The following PDE4D variants were observed in gnomAD, a reference collection of about 807,000 sequenced individuals.
The protein encoded by PDE4D is phosphodiesterase 4D.
A neutral mutation model predicts 87.4 loss-of-function variants in PDE4D; 24 were observed. The ratio of observed to expected loss-of-function variants is 0.27; its 90% CI spans 0.20 to 0.39. The LOEUF (loss-of-function observed/expected upper bound fraction) is 0.39. Ranked by LOEUF, PDE4D falls within the 10% of genes least tolerant of loss-of-function variation. PDE4D has a pLI of 1.00. For synonymous variants in PDE4D, 384 were observed against 383.2 expected (o/e 1.00, Z -0.02); for missense variants, 714 against 1,041.0 (o/e 0.69, Z 4.32).
chr5:59,893,630 C>A lies in PDE4D; in HGVS notation c.-8G>T. On this transcript the variant is annotated 5_prime_UTR_variant, in exon 1 of 15. Coordinates refer to ENST00000340635, the MANE Select transcript of PDE4D (RefSeq NM_001104631.2). The stretch of plus-strand genomic sequence containing the variant: ...GCTGCCCTCTGCCTCCATCCTGGCT[C>A]GCGGCTCCGCGACCTGCTGCCCAGC... 1 of 1,482,448 alleles carries A rather than the reference C, an allele frequency of 6.7e-7. No individual in the cohort carries two copies. The highest frequency in any genetic ancestry group is 1.5e-5 in the African/African-American group (1 of 68,100). 91.8% of individuals were successfully genotyped at this position (1,482,448 alleles called of 1,614,324 possible). A position where few individuals can be genotyped will look rare whatever the true frequency, so the allele number is the denominator to read the frequency against.
rs374472297 is a variant in PDE4D, at chr5:59,553,469, G to A, written c.456-337501C>T. Among the ~76,000 whole-genome samples, 24 of 152,142 alleles carry A rather than the reference G, an allele frequency of 1.6e-4. 2 individuals carry two copies. Among genetic ancestry groups the A allele is most frequent in the Admixed American group, 9.8e-4 (15 of 15,252 alleles). On this transcript the variant is annotated intron_variant, in intron 1 of 14. Coordinates refer to ENST00000340635, the MANE Select transcript of PDE4D (RefSeq NM_001104631.2). ...CTTTTAACTTTAAAAGAGTGAGCAG[G>A]GCTCCCCTTCCTCATAACCTAGCTG...
intron 5 of PDE4D, among the ~76,000 whole-genome samples, chr5:59,092,266 C>G (rs1208199850): frequency 6.6e-6 from 1 of 152,186 alleles, no homozygotes; most frequent in East Asian, 1.9e-4. Flanking sequence ...TGTATACACA[C>G]AGCTTCCATC....
intron 1 of PDE4D, among the ~76,000 whole-genome samples, chr5:60,505,044 C>T (rs1750263113): frequency 6.6e-6 from 1 of 152,110 alleles, no homozygotes; most frequent in Non-Finnish European, 1.5e-5. Context: ...CAAAGGTGTG[C>T]TTGATTGATT....
chr5:59,874,491 T>C (rs1748270022), intron 1 of PDE4D, among the ~76,000 whole-genome samples: 1 of 152,106 alleles, frequency 6.6e-6, no homozygotes, highest in South Asian at 2.1e-4. Context: ...GATAATAGAG[T>C]TATAACTCAA....
At chr5:59,182,364 TC>T (rs1364290752) in intron 4 of PDE4D, among the ~76,000 whole-genome samples, 2 of 151,774 alleles carry the variant, frequency 1.3e-5, no homozygotes, top group African/African-American at 2.4e-5. Flanking sequence ...CTCTAGTGAT[TC>T]CCCCCACCAC....
In PDE4D at chr5:58,971,807, C is replaced by A. The variant is rs1311297193; in HGVS notation, c.*2857G>T. ...TATGGCATTTTAGGAAATGTAAAGC[C>A]ACTTGTAAAAGGATATTCTTTTATT... On this transcript the variant is annotated 3_prime_UTR_variant, in exon 15 of 15. Coordinates refer to ENST00000340635, the MANE Select transcript of PDE4D (RefSeq NM_001104631.2). 6.6e-6 allele frequency: 1 copy of A among 152,484 alleles called. No individual in the cohort carries two copies. The highest frequency in any genetic ancestry group is 1.5e-5 in the Non-Finnish European group (1 of 68,008). 9.4% of individuals were successfully genotyped at this position (152,484 alleles called of 1,614,324 possible).
intron 2 of PDE4D, among the ~76,000 whole-genome samples, chr5:60,070,905 C>T (rs887876657): frequency 1.1e-4 from 16 of 151,956 alleles, no homozygotes; most frequent in African/African-American, 2.7e-4. Context: ...AATCCAGTCT[C>T]GGTTGATTGT....
intron 1 of PDE4D, among the ~76,000 whole-genome samples, chr5:60,365,177 A>C (rs1356047376): frequency 6.6e-6 from 1 of 152,242 alleles, no homozygotes; most frequent in African/African-American, 2.4e-5. Flanking sequence ...AGAGGTCACA[A>C]ACTGACACAT....
chr5:60,492,455 A>G (rs1749583517), upstream of PDE4D, among the ~76,000 whole-genome samples: 1 of 152,192 alleles, frequency 6.6e-6, no homozygotes, highest in African/African-American at 2.4e-5. Context: ...AAATTGAAAA[A>G]ACATAAATAA....
intron 1 of PDE4D, among the ~76,000 whole-genome samples, chr5:59,750,083 C>CTTTT (rs1251524921): frequency 6.0e-5 from 7 of 116,440 alleles, no homozygotes; most frequent in African/African-American, 2.1e-4. Context: ...AGAATTATGA[C>CTTTT]CTTTTTTTTT....
intron 1 of PDE4D, among the ~76,000 whole-genome samples, chr5:59,861,255 A>G (rs1746242364): frequency 6.6e-6 from 1 of 152,212 alleles, no homozygotes; most frequent in African/African-American, 2.4e-5. Flanking sequence ...TAATTTAGCA[A>G]CATTTTTAGC....
intron 1 of PDE4D, among the ~76,000 whole-genome samples, chr5:60,344,927 G>A (rs139832282): frequency 1.8e-3 from 280 of 152,092 alleles, no homozygotes; most frequent in African/African-American, 6.2e-3. Context: ...GTGAAAATAC[G>A]AAGAGTATAA....
chr5:60,317,372 C>T (rs2149829709), intron 1 of PDE4D, among the ~76,000 whole-genome samples: 1 of 152,138 alleles, frequency 6.6e-6, no homozygotes, highest in African/African-American at 2.4e-5. Context: ...TTTGATTCTT[C>T]TCTCTTTTCT....
At chr5:59,999,950 G>A (rs1280103869) in intron 2 of PDE4D, among the ~76,000 whole-genome samples, 1 of 151,834 alleles carries the variant, frequency 6.6e-6, no homozygotes, top group Non-Finnish European at 1.5e-5. Context: ...GTTCACTAGA[G>A]CATTTCAACA....
chr5:59,489,054 A>T (rs138377181), intron 1 of PDE4D, among the ~76,000 whole-genome samples: 83 of 152,096 alleles, frequency 5.5e-4, no homozygotes, highest in African/African-American at 1.9e-3. Context: ...TGGGAGGCTG[A>T]GGAGGGCGGA....
At chr5:60,249,669 C>T (rs889583197) in intron 1 of PDE4D, among the ~76,000 whole-genome samples, 5 of 152,092 alleles carry the variant, frequency 3.3e-5, no homozygotes, top group Admixed American at 2.0e-4. Flanking sequence ...ATATTCCAAA[C>T]CTATTTTCTG....
intron 3 of PDE4D, among the ~76,000 whole-genome samples, chr5:59,941,573 C>A (rs1413621916): frequency 6.6e-6 from 1 of 152,202 alleles, no homozygotes; most frequent in Non-Finnish European, 1.5e-5. Flanking sequence ...TGAAGCCATG[C>A]CCTTTGGGAA....
intron 1 of PDE4D, among the ~76,000 whole-genome samples, chr5:59,369,144 G>A (rs1783555889): frequency 6.6e-6 from 1 of 152,154 alleles, no homozygotes; most frequent in Non-Finnish European, 1.5e-5. Flanking sequence ...TGTGGCCTTT[G>A]CTGAAAGTTC....
At chr5:59,218,802 T>A (rs1371277988) in intron 1 of PDE4D, among the ~76,000 whole-genome samples, 1 of 152,114 alleles carries the variant, frequency 6.6e-6, no homozygotes, top group Non-Finnish European at 1.5e-5. Context: ...AATATTAGTA[T>A]TAGCTTTACA....
Sources: allele counts gnomAD v4.1 joint callset (sites outside exome capture counted in the v4.1 genomes callset), GRCh38; gene constraint gnomAD v4.1.1; transcripts MANE v1.5; gene names NCBI Gene and HGNC (gene_info 2026-07-23, HGNC 2026-07-21).